Variants in CDH23 observed in about 807,000 individuals in gnomAD.
CDH23 encodes the protein cadherin-23.
CDH23 carries 189 observed loss-of-function variants against 317.1 expected under a neutral mutation model. The observed-to-expected ratio is 0.60, with a 90% CI of 0.53 to 0.67. The LOEUF is 0.67. Ranked by LOEUF, CDH23 falls within the 30% of genes least tolerant of loss-of-function variation. The pLI is 0.00. For missense variants in CDH23, 4,401 were observed against 4,592.4 expected (o/e 0.96, Z 1.20); for synonymous variants, 1,839 against 1,876.8 (o/e 0.98, Z 0.52).
intron 6 of CDH23, among the ~76,000 whole-genome samples, chr10:71,532,727 G>GTTTTTTTTTTTTTTTTTTTTTTTT (rs200038577): frequency 3.2e-5 from 3 of 93,930 alleles, no homozygotes; most frequent in Non-Finnish European, 7.2e-5. Context: ...TTTTTTTTTT[G>GTTTTTTTTTTTTTTTTTTTTTTTT]TTTTTTTTTT....
At chr10:71,701,923 C>CT in intron 22 of CDH23, 99 bp from the exon 23 acceptor site, 1 of 1,303,390 alleles carries the variant, frequency 7.7e-7, no homozygotes, top group Non-Finnish European at 1.1e-6. Context: ...AGGATGTCCC[C>CT]TCCCCAGGAC....
intron 6 of CDH23, among the ~76,000 whole-genome samples, chr10:71,516,970 C>G (rs544347753): frequency 6.6e-6 from 1 of 152,300 alleles, no homozygotes; most frequent in African/African-American, 2.4e-5. Context: ...ATCCCTCCCG[C>G]CAGACTAAGC....
rs1320892747 is a variant in CDH23, at chr10:71,784,432, G to A, written c.5502+12G>A. On this transcript the variant is annotated intron_variant, in intron 42 of 69. Coordinates refer to ENST00000224721, the MANE Select transcript of CDH23 (RefSeq NM_022124.6). ...CACTCAGCTCCACAGTGAGTCTGGG[G>A]GCCCCACCCGCTGGCTTCACCTCGC... 8 of 1,610,290 alleles carry A rather than the reference G, an allele frequency of 5.0e-6. No individual in the cohort carries two copies. The highest frequency in any genetic ancestry group is 1.1e-5 in the South Asian group (1 of 90,692).
rs1864517699 is a variant in CDH23 at position 71,679,418 on chromosome 10, A to T, written c.1784A>T (p.Gln595Leu). ...ATDEDSPPNNQITYSIVSASA... is the reference protein window; with the variant it reads ...ATDEDSPPNNLITYSIVSASA... ...GATGAAGACTCCCCTCCCAACAACC[A>T]GATCACCTACAGCATTGTCAGTGCA... Residue 595 changes from glutamine (Q) to leucine (L), a missense_variant, in exon 17 of 70, where the codon CAG becomes CTG. Gln to Leu is a moderately radical substitution (Grantham distance 113). Around this residue, in one of 3 missense-constraint regions of CDH23, gnomAD observed 3,068 missense variants for 3,203.3 expected, o/e 0.96. Coordinates refer to ENST00000224721, the MANE Select transcript of CDH23 (RefSeq NM_022124.6). 6.2e-7 allele frequency: 1 copy of T among 1,612,624 alleles called. No homozygotes were observed. Among genetic ancestry groups the T allele is most frequent in the East Asian group, 2.2e-5 (1 of 44,826 alleles).
chr10:71,429,881 G>A (rs1027729907), intron 1 of CDH23, among the ~76,000 whole-genome samples: 3 of 152,218 alleles, frequency 2.0e-5, no homozygotes, highest in Non-Finnish European at 4.4e-5. Flanking sequence ...AGGAGGACAA[G>A]GGCATGGCCA....
intron 3 of CDH23, among the ~76,000 whole-genome samples, chr10:71,479,089 A>C (rs2132109545): frequency 6.6e-6 from 1 of 152,306 alleles, no homozygotes; most frequent in Middle Eastern, 3.4e-3. Context: ...TTGAGAAACT[A>C]AATAATTGTC....
At position 71,449,540 on chromosome 10, in the gene CDH23, TATATATAG is replaced by T. The variant is rs1334414516; in HGVS notation, c.145+3160_145+3167del. Among the ~76,000 whole-genome samples the T allele has an allele frequency of 1.6e-4, 25 of 152,280 alleles. No individual in the cohort carries two copies. In the East Asian group the frequency reaches 2.5e-3, roughly 15 times the overall value. ...ATAATATAACACATATGACATACTA[TATATATAG>T]ATATATAGATATATCATAAATTATT... On this transcript the variant is annotated intron_variant, in intron 3 of 69. Transcript: ENST00000224721.
intron 3 of CDH23, among the ~76,000 whole-genome samples, chr10:71,503,145 G>A (rs1007096980): frequency 6.6e-6 from 1 of 152,260 alleles, no homozygotes; most frequent in South Asian, 2.1e-4. Context: ...CCGAGGCCAC[G>A]GTGGAGGATG....
chr10:71,398,593 G>A (rs1211951868), intron 1 of CDH23, among the ~76,000 whole-genome samples: 2 of 152,002 alleles, frequency 1.3e-5, no homozygotes, highest in African/African-American at 4.8e-5. Context: ...GCCCACGATG[G>A]GGAGAGCTGG....
rs1340513413 is a variant in CDH23, at chr10:71,397,941, G to T, written c.-6+623G>T. On this transcript the variant is annotated intron_variant, in intron 1 of 69. Coordinates refer to ENST00000224721, the MANE Select transcript of CDH23 (RefSeq NM_022124.6). The surrounding 1 kb of genome is among the most constrained non-coding windows in gnomAD (Gnocchi z 4.8). ...CCTCGAGGAGCCGGGAGCCTTTTGC[G>T]GCTCTCGCTTCGCCTTCCTGGCCCT... 6.6e-6 allele frequency among the ~76,000 whole-genome samples: 1 copy of T among 152,198 alleles called. No homozygotes were observed. The highest frequency in any genetic ancestry group is 6.5e-5 in the Admixed American group (1 of 15,282).
chr10:71,596,983 ATAAT>A (rs1859893458), intron 9 of CDH23, among the ~76,000 whole-genome samples: 1 of 152,226 alleles, frequency 6.6e-6, no homozygotes, highest in Admixed American at 6.5e-5. Flanking sequence ...TGAAGGACAG[ATAAT>A]TAATCCCACA....
At chr10:71,652,457 G>A (rs1029831205) in intron 14 of CDH23, among the ~76,000 whole-genome samples, 1 of 152,252 alleles carries the variant, frequency 6.6e-6, no homozygotes, top group Non-Finnish European at 1.5e-5. Context: ...AAACAGGTAA[G>A]ATTTACAGAT....
intron 3 of CDH23, among the ~76,000 whole-genome samples, chr10:71,489,815 C>T (rs1239776914): frequency 6.6e-6 from 1 of 152,152 alleles, no homozygotes; most frequent in East Asian, 1.9e-4. Flanking sequence ...GATACCCAGG[C>T]CGTGTGAATT....
intron 55 of CDH23, among the ~76,000 whole-genome samples, chr10:71,804,505 T>C (rs570432491): frequency 6.6e-6 from 1 of 152,348 alleles, no homozygotes; most frequent in South Asian, 2.1e-4. Context: ...CATCTCAGAA[T>C]GTCCATGCTA....
intron 14 of CDH23, among the ~76,000 whole-genome samples, chr10:71,647,320 G>T (rs1014877806): frequency 6.6e-6 from 1 of 152,090 alleles, no homozygotes; most frequent in Non-Finnish European, 1.5e-5. Flanking sequence ...AAAATTAGCC[G>T]GGTGTGGTGG....
Position 71,481,349 on chromosome 10 carries a change from A to G in CDH23, c.146-28733A>G, listed in dbSNP as rs977294585. ...TAACTGGGCCTTCCCTGGAACAGGC[A>G]GTCTGCTGCCAGCTCACAGCCACCC... On this transcript the variant is annotated intron_variant, in intron 3 of 69. Coordinates refer to ENST00000224721, the MANE Select transcript of CDH23 (RefSeq NM_022124.6). Among the ~76,000 whole-genome samples the G allele has an allele frequency of 7.9e-5, 12 of 152,310 alleles. No homozygotes were observed. In the East Asian group the frequency reaches 2.1e-3, roughly 27 times the overall value.
chr10:71,686,816 A>T (rs1329997147), intron 18 of CDH23, among the ~76,000 whole-genome samples: 1 of 152,050 alleles, frequency 6.6e-6, no homozygotes, highest in African/African-American at 2.4e-5. Flanking sequence ...AGCAGGGAGG[A>T]ATTCTTGTTG....
rs1335803758 is a variant in CDH23 at position 71,815,876 on chromosome 10, C to CT, written c.*599dup. The CT allele has an allele frequency of 1.9e-5, 3 of 157,084 alleles. No individual in the cohort carries two copies. Among genetic ancestry groups the CT allele is most frequent in the Non-Finnish European group, 2.8e-5 (2 of 70,692 alleles). 9.7% of individuals were successfully genotyped at this position (157,084 alleles called of 1,614,324 possible). A position where few individuals can be genotyped will look rare whatever the true frequency, so the allele number is the denominator to read the frequency against. On this transcript the variant is annotated 3_prime_UTR_variant, in exon 70 of 70. Transcript: ENST00000224721. The stretch of plus-strand genomic sequence containing the variant: ...GTGCCCAGCTTATAAACAGAAGTGA[C>CT]TGATGTTCCCTCCGGTTTTGAATGT...
intron 38 of CDH23, among the ~76,000 whole-genome samples, chr10:71,766,320 C>T (rs984971676): frequency 4.6e-5 from 7 of 152,284 alleles, no homozygotes; most frequent in African/African-American, 1.2e-4. Context: ...AGGCGGGAAC[C>T]GTCCAGTTGC....
Sources: allele counts gnomAD v4.1 joint callset (sites outside exome capture counted in the v4.1 genomes callset), GRCh38; gene constraint gnomAD v4.1.1; regional missense constraint gnomAD v4.1.1; non-coding constraint Gnocchi (gnomAD v3.1); transcripts MANE v1.5; gene names NCBI Gene and HGNC (gene_info 2026-07-23, HGNC 2026-07-21).